RIPOR2: variants seen among roughly 807,000 people sequenced by gnomAD.
RIPOR2 encodes rho family-interacting cell polarization regulator 2.
A neutral mutation model predicts 114.5 loss-of-function variants in RIPOR2; 39 were observed. The ratio of observed to expected loss-of-function variants is 0.34; its 90% CI spans 0.26 to 0.44. The LOEUF (loss-of-function observed/expected upper bound fraction) is 0.44. Ranked by LOEUF, RIPOR2 falls within the 20% of genes least tolerant of loss-of-function variation. RIPOR2 has a pLI of 1.00. For missense variants in RIPOR2, 1,007 were observed against 1,255.1 expected (o/e 0.80, Z 2.99); for synonymous variants, 445 against 484.4 (o/e 0.92, Z 1.07).
intron 1 of RIPOR2, among the ~76,000 whole-genome samples, chr6:25,018,218 C>T (rs1378670614): frequency 2.6e-5 from 4 of 152,164 alleles, no homozygotes; most frequent in Non-Finnish European, 2.9e-5. Context: ...CAATTTCAAA[C>T]GCAGTATCTT....
intron 7 of RIPOR2, among the ~76,000 whole-genome samples, chr6:24,864,082 A>G (rs566332053): frequency 6.6e-6 from 1 of 152,320 alleles, no homozygotes; most frequent in South Asian, 2.1e-4. Context: ...CGAGTGGATC[A>G]CCTGAGATCA....
chr6:24,856,416 A>T (rs942172968), intron 8 of RIPOR2, among the ~76,000 whole-genome samples: 1 of 152,180 alleles, frequency 6.6e-6, no homozygotes, highest in African/African-American at 2.4e-5. Flanking sequence ...TAAATCCTAA[A>T]CTGGACATGC....
chr6:24,933,773 T>G (rs898872506), intron 1 of RIPOR2, among the ~76,000 whole-genome samples: 3 of 152,196 alleles, frequency 2.0e-5, no homozygotes, highest in Admixed American at 2.0e-4. Context: ...AATCTGAGTC[T>G]GAATCTCGTT....
chr6:24,959,817 G>A (rs1281800003), intron 1 of RIPOR2, among the ~76,000 whole-genome samples: 5 of 152,160 alleles, frequency 3.3e-5, no homozygotes, highest in African/African-American at 4.8e-5. Flanking sequence ...CACGGGGAAG[G>A]TCTGTGGCTG....
Position 24,847,499 on chromosome 6 carries a change from C to A in RIPOR2, c.1164+526G>T, listed in dbSNP as rs1338969099. 2.6e-6 allele frequency: 4 copies of A among 1,538,032 alleles called. No homozygotes were observed. The African/African-American group carries it at 5.5e-5, about 21-fold the overall frequency. ...CATGCTAAGTCACACATGCCACAAG[C>A]CCCAGAAGTCAAGCACTCCATACCC... On this transcript the variant is annotated intron_variant, in intron 12 of 21. Transcript: ENST00000643898.
chr6:24,821,103 C>T (rs1343514644), intron 19 of RIPOR2, among the ~76,000 whole-genome samples: 2 of 151,640 alleles, frequency 1.3e-5, no homozygotes, highest in Non-Finnish European at 2.9e-5. Flanking sequence ...GAACTCCTGA[C>T]CTCAGATGAT....
chr6:25,020,980 C>A (rs1039442509), intron 1 of RIPOR2, among the ~76,000 whole-genome samples: 1 of 152,078 alleles, frequency 6.6e-6, no homozygotes, highest in African/African-American at 2.4e-5. Flanking sequence ...CCTCAGCCTC[C>A]CAAGTAGCTG....
At chr6:24,914,463 T>C (rs1769913637) in intron 1 of RIPOR2, among the ~76,000 whole-genome samples, 1 of 152,216 alleles carries the variant, frequency 6.6e-6, no homozygotes, top group African/African-American at 2.4e-5. Context: ...GCCCAGTAGT[T>C]GTGAAACCTG....
intron 1 of RIPOR2, among the ~76,000 whole-genome samples, chr6:24,896,587 AG>A (rs1464362952): frequency 6.6e-6 from 1 of 152,142 alleles, no homozygotes; most frequent in Non-Finnish European, 1.5e-5. Context: ...TAATATCAGG[AG>A]GTCAAAAATA....
At chr6:25,022,532 A>AATTTTTTTTTTTTTTTTTTTT in intron 1 of RIPOR2, among the ~76,000 whole-genome samples, 1 of 40,992 alleles carries the variant, frequency 2.4e-5, no homozygotes, top group South Asian at 1.3e-3. Context: ...GGTACCTTCC[A>AATTTTTTTTTTTTTTTTTTTT]TTTTTTTTTT....
At chr6:24,942,708 C>A (rs1474385014) in intron 1 of RIPOR2, among the ~76,000 whole-genome samples, 2 of 152,156 alleles carry the variant, frequency 1.3e-5, no homozygotes, top group Non-Finnish European at 2.9e-5. Flanking sequence ...ATATAAATGT[C>A]TTCTTTTGAG....
intron 1 of RIPOR2, among the ~76,000 whole-genome samples, chr6:24,901,249 T>C (rs1396201476): frequency 6.6e-6 from 1 of 152,228 alleles, no homozygotes; most frequent in East Asian, 1.9e-4. Flanking sequence ...ACCTTTAGCC[T>C]GATTACTGTA....
intron 12 of RIPOR2, among the ~76,000 whole-genome samples, chr6:24,843,771 A>G (rs1012243547): frequency 6.7e-6 from 1 of 150,074 alleles, no homozygotes; most frequent in African/African-American, 2.5e-5. Flanking sequence ...CAGACCATCA[A>G]GGACTGTTTC....
chr6:24,946,842 A>C (rs984319272), intron 1 of RIPOR2, among the ~76,000 whole-genome samples: 29 of 152,254 alleles, frequency 1.9e-4, no homozygotes, highest in African/African-American at 4.6e-4. Flanking sequence ...TCCTCAAAGA[A>C]GGAATAAAAC....
At chr6:24,945,494 C>T (rs774244672) in intron 1 of RIPOR2, among the ~76,000 whole-genome samples, 7 of 152,140 alleles carry the variant, frequency 4.6e-5, no homozygotes, top group Non-Finnish European at 1.0e-4. Context: ...TTGTTTGTAA[C>T]TCTTTTCCCT....
intron 20 of RIPOR2, 25 bp from the exon 21 acceptor site, chr6:24,809,832 C>T (rs1781024332): frequency 3.5e-6 from 5 of 1,437,592 alleles, no homozygotes; most frequent in Non-Finnish European, 4.8e-6. Flanking sequence ...TAGGTTAAAT[C>T]GTGTTTTGAC....
chr6:24,828,526 T>C (rs1481319806), intron 17 of RIPOR2, among the ~76,000 whole-genome samples: 1 of 152,072 alleles, frequency 6.6e-6, no homozygotes, highest in Non-Finnish European at 1.5e-5. Flanking sequence ...TATCTTTTAT[T>C]GTGGTTGAAG....
chr6:24,884,486 G>T (rs1766633350), intron 1 of RIPOR2, among the ~76,000 whole-genome samples: 1 of 152,152 alleles, frequency 6.6e-6, no homozygotes, highest in Non-Finnish European at 1.5e-5. Context: ...TGTCAACATT[G>T]TTTGCTAACC....
intron 21 of RIPOR2, among the ~76,000 whole-genome samples, chr6:24,809,144 A>G (rs1237946614): frequency 6.6e-6 from 1 of 152,214 alleles, no homozygotes; most frequent in Non-Finnish European, 1.5e-5. Context: ...AATGCCTGCT[A>G]GGCATGAACC....
Sources: allele counts gnomAD v4.1 joint callset (sites outside exome capture counted in the v4.1 genomes callset), GRCh38; gene constraint gnomAD v4.1.1; transcripts MANE v1.5; gene names NCBI Gene and HGNC (gene_info 2026-07-23, HGNC 2026-07-21).